The following RBFOX1 variants were observed in gnomAD, a reference collection of about 807,000 sequenced individuals.
RBFOX1 encodes RNA binding protein fox-1 homolog 1.
In RBFOX1, 8 loss-of-function variants were observed where a neutral mutation model predicts 57.7. That is an observed-to-expected ratio of 0.14 (90% confidence interval 0.08 to 0.25). The LOEUF is 0.25. Among genes scored for constraint, RBFOX1 ranks in the 10% least tolerant of loss-of-function variants. RBFOX1 has a pLI of 1.00. For synonymous variants in RBFOX1, 326 were observed against 222.4 expected, an observed-to-expected ratio of 1.47 and a Z score of -4.15; for missense variants, 611 against 548.5, an observed-to-expected ratio of 1.11 and a Z score of -1.14.
At chr16:6,918,828 A>C (rs1283480500) in intron 3 of RBFOX1, among the ~76,000 whole-genome samples, 1 of 152,174 alleles carries the variant, frequency 6.6e-6, no homozygotes, top group East Asian at 1.9e-4. Flanking sequence ...TTAATAAACA[A>C]GTATTTTCAG....
At chr16:6,359,544 T>C (rs955604059) in intron 2 of RBFOX1, among the ~76,000 whole-genome samples, 3 of 152,190 alleles carry the variant, frequency 2.0e-5, no homozygotes, top group South Asian at 4.1e-4. Context: ...TTAATTCTTT[T>C]GGTAGCCACA....
At chr16:6,044,110 A>G (rs2095470867) in intron 1 of RBFOX1, among the ~76,000 whole-genome samples, 1 of 152,198 alleles carries the variant, frequency 6.6e-6, no homozygotes, top group Non-Finnish European at 1.5e-5. Context: ...TTTCTTATCT[A>G]GACCTTGACT....
chr16:5,998,404 T>C (rs746496534), intron 4 of RBFOX1, among the ~76,000 whole-genome samples: 1 of 152,216 alleles, frequency 6.6e-6, no homozygotes, highest in African/African-American at 2.4e-5. Context: ...CAAAAAATAA[T>C]CAGTAGTTTA....
intron 2 of RBFOX1, among the ~76,000 whole-genome samples, chr16:5,555,241 A>G (rs1211345165): frequency 6.6e-6 from 1 of 152,036 alleles, no homozygotes; most frequent in Non-Finnish European, 1.5e-5. Context: ...TTTTGCAATT[A>G]CTTTTATTAT....
intron 4 of RBFOX1, among the ~76,000 whole-genome samples, chr16:5,936,741 G>A (rs1380412785): frequency 6.6e-6 from 1 of 152,166 alleles, no homozygotes; most frequent in East Asian, 1.9e-4. Context: ...GGATTTTGTT[G>A]GAAATGGAGA....
intron 2 of RBFOX1, among the ~76,000 whole-genome samples, chr16:5,570,776 G>T (rs1209954775): frequency 1.3e-5 from 2 of 150,404 alleles, no homozygotes; most frequent in Non-Finnish European, 2.9e-5. Flanking sequence ...GGAGATCGAG[G>T]TTGTAGTGAG....
intron 4 of RBFOX1, among the ~76,000 whole-genome samples, chr16:7,513,753 G>C (rs1422339682): frequency 1.3e-5 from 2 of 152,214 alleles, no homozygotes; most frequent in Non-Finnish European, 2.9e-5. Flanking sequence ...GGACCAGTGA[G>C]GAGAAGGGGC....
intron 3 of RBFOX1, among the ~76,000 whole-genome samples, chr16:6,980,770 C>A (rs1180764707): frequency 6.6e-6 from 1 of 152,118 alleles, no homozygotes; most frequent in East Asian, 1.9e-4. Context: ...GGAGCAGGTA[C>A]AGTAGCTCAT....
chr16:7,057,995 G>C (rs1448320635), intron 4 of RBFOX1, among the ~76,000 whole-genome samples: 1 of 109,816 alleles, frequency 9.1e-6, no homozygotes, highest in East Asian at 3.3e-4. Context: ...TCGACAGAGG[G>C]AGACTGTGGG....
intron 3 of RBFOX1, among the ~76,000 whole-genome samples, chr16:6,976,187 A>C (rs984946807): frequency 6.6e-6 from 1 of 152,152 alleles, no homozygotes; most frequent in African/African-American, 2.4e-5. Flanking sequence ...TATGATTTCT[A>C]CAGGAGTTAC....
intron 2 of RBFOX1, among the ~76,000 whole-genome samples, chr16:6,419,843 A>C (rs2093726058): frequency 2.0e-5 from 3 of 152,184 alleles, no homozygotes; most frequent in Admixed American, 2.0e-4. Flanking sequence ...CATGATCTCA[A>C]ACTGAGTTAA....
At chr16:7,662,522 A>G (rs1219166343) in intron 12 of RBFOX1, among the ~76,000 whole-genome samples, 1 of 152,146 alleles carries the variant, frequency 6.6e-6, no homozygotes, top group Admixed American at 6.5e-5. Flanking sequence ...GTTATTGTCC[A>G]TCTTCTAGGT....
At chr16:7,521,160 G>T (rs142443348) in intron 5 of RBFOX1, among the ~76,000 whole-genome samples, 1 of 152,184 alleles carries the variant, frequency 6.6e-6, no homozygotes, top group Non-Finnish European at 1.5e-5. Context: ...AAGCAGCCCA[G>T]GCAGAGGGAA....
At chr16:7,114,234 A>C (rs2065399699) in intron 4 of RBFOX1, among the ~76,000 whole-genome samples, 7 of 152,128 alleles carry the variant, frequency 4.6e-5, no homozygotes, top group Admixed American at 4.6e-4. Flanking sequence ...ATAATTAGGA[A>C]AGTGATTGTG....
intron 1 of RBFOX1, among the ~76,000 whole-genome samples, chr16:5,295,259 A>G (rs1347007785): frequency 1.3e-5 from 2 of 152,162 alleles, no homozygotes; most frequent in Admixed American, 1.3e-4. Context: ...GACTGAGACC[A>G]GAACTCTGAA....
At chr16:7,085,559 A>T (rs957485626) in intron 4 of RBFOX1, among the ~76,000 whole-genome samples, 1 of 152,160 alleles carries the variant, frequency 6.6e-6, no homozygotes, top group East Asian at 1.9e-4. Context: ...CGTGTTCAGT[A>T]GAATATTTGT....
chr16:7,415,310 A>C (rs1367576584), intron 4 of RBFOX1, among the ~76,000 whole-genome samples: 1 of 152,190 alleles, frequency 6.6e-6, no homozygotes, highest in Non-Finnish European at 1.5e-5. Flanking sequence ...AATCCAAGAT[A>C]AATCCATATC....
chr16:5,979,303 A>G (rs1436115058), intron 4 of RBFOX1, among the ~76,000 whole-genome samples: 1 of 152,138 alleles, frequency 6.6e-6, no homozygotes, highest in African/African-American at 2.4e-5. Flanking sequence ...TGTGAAATGT[A>G]TGTTTCTGGG....
chr16:6,852,538 T>C (rs1163016012), intron 3 of RBFOX1, among the ~76,000 whole-genome samples: 1 of 152,220 alleles, frequency 6.6e-6, no homozygotes, highest in Non-Finnish European at 1.5e-5. Context: ...GAAATTAACT[T>C]TGGCGAGATA....
Sources: allele counts gnomAD v4.1 joint callset (sites outside exome capture counted in the v4.1 genomes callset), GRCh38; gene constraint gnomAD v4.1.1; transcripts MANE v1.5; gene names NCBI Gene and HGNC (gene_info 2026-07-23, HGNC 2026-07-21).